The following PARN variants were observed in gnomAD, a reference collection of about 807,000 sequenced individuals.
PARN encodes poly(A)-specific ribonuclease PARN.
In PARN, 71 loss-of-function variants were observed where a neutral mutation model predicts 102.8. That is an observed-to-expected ratio of 0.69 (90% CI 0.57 to 0.84). The LOEUF is 0.84. PARN is among the 40% of genes least tolerant of loss of function. PARN has a pLI of 0.00. For missense variants in PARN, 782 were observed against 760.9 expected (o/e 1.03, Z -0.33); for synonymous variants, 261 against 252.9 (o/e 1.03, Z -0.30).
chr16:14,584,710 A>T (rs200878791), intron 15 of PARN, 39 bp downstream of exon 15: 316 of 1,428,240 alleles, frequency 2.2e-4, no homozygotes, highest in Non-Finnish European at 2.9e-4. Context: ...TTCACTCAGT[A>T]ATATGCAGTC....
At chr16:14,482,856 G>A in intron 21 of PARN, 29 bp from the exon 22 acceptor site, 1 of 1,545,084 alleles carries the variant, frequency 6.5e-7, no homozygotes, top group Non-Finnish European at 8.7e-7. Context: ...AAAATAAAAT[G>A]CTTACAAAAG....
At chr16:14,550,163 C>T (rs895970405) in intron 21 of PARN, among the ~76,000 whole-genome samples, 1 of 152,152 alleles carries the variant, frequency 6.6e-6, no homozygotes, top group African/African-American at 2.4e-5. Flanking sequence ...TCCCCACCCC[C>T]ACCTAAAGTT....
intron 22 of PARN, among the ~76,000 whole-genome samples, chr16:14,455,864 C>A (rs1961657699): frequency 6.6e-6 from 1 of 152,194 alleles, no homozygotes; most frequent in South Asian, 2.1e-4. Flanking sequence ...GCTGACTGTG[C>A]TCTTGCCTTT....
At chr16:14,614,837 A>T (rs1357459823) in intron 6 of PARN, among the ~76,000 whole-genome samples, 2 of 122,238 alleles carry the variant, frequency 1.6e-5, no homozygotes, top group Non-Finnish European at 3.3e-5. Context: ...AAGAAGAGCG[A>T]AACTGTCTCA....
intron 18 of PARN, among the ~76,000 whole-genome samples, chr16:14,566,989 C>A (rs752474020): frequency 4.6e-5 from 7 of 152,192 alleles, no homozygotes; most frequent in Non-Finnish European, 1.0e-4. Context: ...CACTTGTTTC[C>A]AGTCTTAAAA....
intron 18 of PARN, among the ~76,000 whole-genome samples, chr16:14,556,788 A>G (rs4782160): frequency 0.021 from 3,244 of 152,174 alleles, 63 homozygotes; most frequent in Admixed American, 0.064. Context: ...ATGACAACAC[A>G]GGTTTCTTTT....
chr16:14,547,060 T>C (rs1237923097), intron 21 of PARN, among the ~76,000 whole-genome samples: 2 of 151,286 alleles, frequency 1.3e-5, no homozygotes, highest in African/African-American at 4.9e-5. Context: ...ACAACGGCAC[T>C]TCAGCCTGGG....
chr16:14,630,246 G>C lies in PARN; in HGVS notation c.-121C>G. 1 of 863,100 alleles carries C rather than the reference G, an allele frequency of 1.2e-6. No homozygotes were observed. Among genetic ancestry groups the C allele is most frequent in the Non-Finnish European group, 1.8e-6 (1 of 562,446 alleles). 53.5% of individuals were successfully genotyped at this position (863,100 alleles called of 1,614,324 possible). A position where few individuals can be genotyped will look rare whatever the true frequency, so the allele number is the denominator to read the frequency against. On this transcript the variant is annotated 5_prime_UTR_variant, in exon 1 of 24. Transcript: ENST00000437198. Reference sequence around the variant, plus strand: ...GGCAGCCGCAGCGGTGACGCCGGCCGCGACTTCCGGAAACAGCGCGCGCCT... The same window carrying C: ...GGCAGCCGCAGCGGTGACGCCGGCCCCGACTTCCGGAAACAGCGCGCGCCT...
intron 7 of PARN, among the ~76,000 whole-genome samples, chr16:14,610,302 G>A (rs879461487): frequency 2.0e-5 from 3 of 151,676 alleles, no homozygotes; most frequent in East Asian, 3.9e-4. Flanking sequence ...GCAAAACCTC[G>A]TCTCTACTAA....
chr16:14,438,964 GA>G (rs1353342351), intron 23 of PARN, among the ~76,000 whole-genome samples: 6 of 152,226 alleles, frequency 3.9e-5, no homozygotes, highest in African/African-American at 1.4e-4. Context: ...AAAACTGGCA[GA>G]TAAGAAGGTA....
chr16:14,594,418 C>T (rs969649492), intron 12 of PARN, among the ~76,000 whole-genome samples: 3 of 152,050 alleles, frequency 2.0e-5, no homozygotes. Flanking sequence ...CCATTTTTAA[C>T]ATAAAACATC....
rs1485405965 is a variant in PARN, at chr16:14,628,193, C to G, written c.156G>C (p.Glu52Asp). The change falls in exon 3 of 24, where the codon GAG (glutamate) becomes GAC (aspartate). Residue 52 changes from glutamate (E) to aspartate (D), a missense_variant. Coordinates refer to ENST00000437198, the MANE Select transcript of PARN (RefSeq NM_002582.4). ...TTGCCTTTTTAAGCTTCTGATACCT[C>G]TCTTCTGGAGTGTCAAAACCATTTG... ...ALTNGFDTPE[E>D]RYQKLKKHSM... 7 of 1,600,730 alleles carry G rather than the reference C, an allele frequency of 4.4e-6. No individual in the cohort carries two copies. The highest frequency in any genetic ancestry group is 6.0e-6 in the Non-Finnish European group (7 of 1,168,510).
chr16:14,623,105 A>T (rs1255981504), intron 5 of PARN, among the ~76,000 whole-genome samples: 2 of 151,958 alleles, frequency 1.3e-5, no homozygotes, highest in Non-Finnish European at 2.9e-5. Context: ...GTCTCCAAAA[A>T]AAAAAAAAAG....
intron 5 of PARN, among the ~76,000 whole-genome samples, chr16:14,625,859 T>C (rs1051040152): frequency 5.9e-5 from 9 of 152,190 alleles, no homozygotes; most frequent in African/African-American, 1.9e-4. Flanking sequence ...GGAGAGAAGA[T>C]AGGATGCAAG....
intron 10 of PARN, 72 bp downstream of exon 10, chr16:14,606,412 A>G: frequency 1.2e-6 from 1 of 855,914 alleles, no homozygotes; most frequent in Non-Finnish European, 1.8e-6. Context: ...AAAAAAAGAA[A>G]AAAAAAAGAA....
Position 14,584,798 on chromosome 16 carries a change from A to G in PARN, c.963-7T>C. On this transcript the variant is annotated splice_region_variant and splice_polypyrimidine_tract_variant and intron_variant, in intron 14 of 23. Transcript: ENST00000437198. ...CAATTTAGTATCCAAGAGTCTAAAA[A>G]GAATTTTTAACAAGGTAAACAAAAT... 2 of 1,523,324 alleles carry G rather than the reference A, an allele frequency of 1.3e-6. No individual in the cohort carries two copies. Among genetic ancestry groups the G allele is most frequent in the Non-Finnish European group, 1.8e-6 (2 of 1,128,928 alleles). 94.4% of individuals were successfully genotyped at this position (1,523,324 alleles called of 1,614,324 possible). A position where few individuals can be genotyped will look rare whatever the true frequency, so the allele number is the denominator to read the frequency against.
chr16:14,457,972 G>C (rs2151569454), intron 22 of PARN, among the ~76,000 whole-genome samples: 1 of 151,674 alleles, frequency 6.6e-6, no homozygotes, highest in East Asian at 1.9e-4. Flanking sequence ...GAGAAAACAT[G>C]AATGCATTGT....
chr16:14,473,498 T>G (rs1332055960), intron 22 of PARN, among the ~76,000 whole-genome samples: 2 of 152,022 alleles, frequency 1.3e-5, no homozygotes, highest in Non-Finnish European at 2.9e-5. Context: ...TATAATTTGG[T>G]TAAGATAAAG....
At chr16:14,527,607 T>A (rs1364363262) in intron 21 of PARN, among the ~76,000 whole-genome samples, 1 of 152,234 alleles carries the variant, frequency 6.6e-6, no homozygotes, top group Non-Finnish European at 1.5e-5. Flanking sequence ...TCTTGTTTTA[T>A]GTGTGTTTCT....
Sources: allele counts gnomAD v4.1 joint callset (sites outside exome capture counted in the v4.1 genomes callset), GRCh38; gene constraint gnomAD v4.1.1; transcripts MANE v1.5; gene names NCBI Gene and HGNC (gene_info 2026-07-23, HGNC 2026-07-21).